Variants in SORCS1 observed in about 807,000 individuals in gnomAD.
SORCS1 encodes sortilin related VPS10 domain containing receptor 1.
In SORCS1, 60 loss-of-function variants were observed where a neutral mutation model predicts 146.1. The ratio of observed to expected loss-of-function variants is 0.41; its 90% confidence interval spans 0.33 to 0.51. The LOEUF (loss-of-function observed/expected upper bound fraction) is 0.51. Ranked by LOEUF, SORCS1 falls within the 20% of genes least tolerant of loss-of-function variation. The probability of loss-of-function intolerance (pLI) is 0.21; values close to 1 mark genes in which losing one functional copy is unlikely to be tolerated. For synonymous variants in SORCS1, 637 were observed against 584.0 expected (o/e 1.09, Z -1.31); for missense variants, 1,352 against 1,487.6 (o/e 0.91, Z 1.50).
chr10:106,803,924 T>A (rs1412858060), intron 3 of SORCS1, among the ~76,000 whole-genome samples: 2 of 152,158 alleles, frequency 1.3e-5, no homozygotes, highest in African/African-American at 4.8e-5. Context: ...TACAGATGAC[T>A]CATGTGAACA....
At chr10:106,997,888 G>A (rs188966868) in intron 1 of SORCS1, among the ~76,000 whole-genome samples, 1 of 152,206 alleles carries the variant, frequency 6.6e-6, no homozygotes, top group East Asian at 1.9e-4. Context: ...CTCTCAAATG[G>A]CCACTTCCCC....
chr10:106,626,935 A>G (rs766070472), intron 19 of SORCS1, among the ~76,000 whole-genome samples: 11 of 152,272 alleles, frequency 7.2e-5, no homozygotes, highest in Non-Finnish European at 1.0e-4. Context: ...AATTAAAATC[A>G]GAACACGAAA....
the SORCS1 span, among the ~76,000 whole-genome samples, chr10:107,173,365 T>C: frequency 6.6e-6 from 1 of 151,962 alleles, no homozygotes; most frequent in Non-Finnish European, 1.5e-5. Flanking sequence ...GCTAAGAGAG[T>C]AGATTTTAAG....
rs17122024 is a variant in SORCS1, at chr10:107,066,525, A to G, written c.558+97444T>C. 3.8e-3 allele frequency among the ~76,000 whole-genome samples: 585 copies of G among 152,340 alleles called. 29 individuals carry two copies. In the East Asian group the frequency reaches 0.091, roughly 24 times the overall value. ...AAGCCGCCATCTGCTACAAGGCTCTACAAACGAGTCTATTGCACTAGACAC... is the reference window on the plus strand; with the variant it reads ...AAGCCGCCATCTGCTACAAGGCTCTGCAAACGAGTCTATTGCACTAGACAC... On this transcript the variant is annotated intron_variant, in intron 1 of 25. Transcript: ENST00000263054.
At chr10:107,036,642 C>T (rs1343440804) in intron 1 of SORCS1, among the ~76,000 whole-genome samples, 1 of 152,192 alleles carries the variant, frequency 6.6e-6, no homozygotes, top group Non-Finnish European at 1.5e-5. Flanking sequence ...TGGGACTGTT[C>T]TTAACAGAGA....
chr10:106,628,535 T>A (rs909400115), intron 19 of SORCS1, among the ~76,000 whole-genome samples: 2 of 152,212 alleles, frequency 1.3e-5, no homozygotes, highest in African/African-American at 4.8e-5. Context: ...CACACATAAC[T>A]TAGAAGTTAT....
chr10:106,727,096 A>G (rs139892623), intron 6 of SORCS1, among the ~76,000 whole-genome samples: 6,280 of 152,084 alleles, frequency 0.041, 376 homozygotes, highest in African/African-American at 0.14. Context: ...AAAAAAAAAA[A>G]AAAAGAAAAA....
At chr10:107,173,502 C>T in the SORCS1 span, among the ~76,000 whole-genome samples, 5 of 152,090 alleles carry the variant, frequency 3.3e-5, no homozygotes, top group East Asian at 3.9e-4. Flanking sequence ...CATGTTATAC[C>T]TCATAAATAT....
At chr10:106,686,333 C>A (rs1167942378) in intron 10 of SORCS1, among the ~76,000 whole-genome samples, 1 of 152,160 alleles carries the variant, frequency 6.6e-6, no homozygotes, top group Non-Finnish European at 1.5e-5. Flanking sequence ...CAGGGAATAC[C>A]TTGCTAAGTG....
At chr10:106,593,373 A>G (rs923995321) in intron 24 of SORCS1, among the ~76,000 whole-genome samples, 2 of 152,124 alleles carry the variant, frequency 1.3e-5, no homozygotes, top group African/African-American at 2.4e-5. Flanking sequence ...TCCTTATCAC[A>G]ATTGCTGTTC....
chr10:106,728,745 C>A (rs1164712539), intron 6 of SORCS1, among the ~76,000 whole-genome samples: 2 of 152,138 alleles, frequency 1.3e-5, no homozygotes, highest in Non-Finnish European at 2.9e-5. Context: ...GACTGGTAGG[C>A]ACAAACGGCA....
chr10:106,810,475 T>G (rs1947402227), intron 3 of SORCS1, among the ~76,000 whole-genome samples: 1 of 152,216 alleles, frequency 6.6e-6, no homozygotes, highest in Admixed American at 6.5e-5. Context: ...GATGCCTGTG[T>G]TTCATACCAA....
In SORCS1 at chr10:106,838,880, C is replaced by T. The variant is rs568615591; in HGVS notation, c.627-9207G>A. ...TATTATCGTATCTGTTATGGAGATCCGTGATCAGTGATCTTTGATGTTTCT... is the reference window on the plus strand; with the variant it reads ...TATTATCGTATCTGTTATGGAGATCTGTGATCAGTGATCTTTGATGTTTCT... On this transcript the variant is annotated intron_variant, in intron 2 of 25. Transcript: ENST00000263054. Among the ~76,000 whole-genome samples, 56 of 152,230 alleles carry T rather than the reference C, an allele frequency of 3.7e-4. 1 individual carries two copies. Among genetic ancestry groups the T allele is most frequent in the Admixed American group, 3.5e-3 (53 of 15,266 alleles).
intron 1 of SORCS1, among the ~76,000 whole-genome samples, chr10:106,983,552 CTAAG>C (rs527857932): frequency 7.0e-4 from 107 of 152,104 alleles, no homozygotes; most frequent in Non-Finnish European, 1.4e-3. Context: ...AGTCAGCTAT[CTAAG>C]TAAGAAGTGC....
chr10:107,010,079 A>T (rs777406525), intron 1 of SORCS1, among the ~76,000 whole-genome samples: 4 of 152,228 alleles, frequency 2.6e-5, no homozygotes, highest in Non-Finnish European at 5.9e-5. Context: ...TAATCACTGC[A>T]TCAAACGTAT....
chr10:107,124,422 G>C (rs1966585859), intron 1 of SORCS1, among the ~76,000 whole-genome samples: 2 of 152,104 alleles, frequency 1.3e-5, no homozygotes, highest in Non-Finnish European at 2.9e-5. Context: ...TGTCAGATAG[G>C]TAACATAAAA....
chr10:106,976,325 G>GTTTTTTTGT (rs1956003051), intron 1 of SORCS1, among the ~76,000 whole-genome samples: 4 of 90,488 alleles, frequency 4.4e-5, no homozygotes, highest in Non-Finnish European at 7.9e-5. Flanking sequence ...CATCATCTAG[G>GTTTTTTTGT]TTTTTTTGTT....
intron 2 of SORCS1, among the ~76,000 whole-genome samples, chr10:106,899,037 T>C (rs1194776044): frequency 6.6e-6 from 1 of 152,246 alleles, no homozygotes; most frequent in Non-Finnish European, 1.5e-5. Flanking sequence ...TCTTACTCCA[T>C]AAATCATTCA....
chr10:106,945,108 G>C (rs1954264449), intron 2 of SORCS1, among the ~76,000 whole-genome samples: 1 of 151,672 alleles, frequency 6.6e-6, no homozygotes, highest in Admixed American at 6.6e-5. Context: ...GGCTGGTCTT[G>C]AACTCCTAGC....
Sources: allele counts gnomAD v4.1 joint callset (sites outside exome capture counted in the v4.1 genomes callset), GRCh38; gene constraint gnomAD v4.1.1; transcripts MANE v1.5; gene names NCBI Gene and HGNC (gene_info 2026-07-23, HGNC 2026-07-21).